DPP6: variants seen among roughly 807,000 people sequenced by gnomAD.
The protein encoded by DPP6 is dipeptidyl peptidase like 6, also known as A-type potassium channel modulatory protein DPP6.
DPP6 carries 69 observed loss-of-function variants against 122.6 expected under a neutral mutation model. The ratio of observed to expected loss-of-function variants is 0.56; its 90% CI spans 0.46 to 0.69. The LOEUF (loss-of-function observed/expected upper bound fraction) is 0.69. Among genes scored for constraint, DPP6 ranks in the 30% least tolerant of loss-of-function variants. The probability of loss-of-function intolerance (pLI) is 0.00; values close to 1 mark genes in which losing one functional copy is unlikely to be tolerated. For synonymous variants in DPP6, 418 were observed against 433.1 expected (o/e 0.97, Z 0.43); for missense variants, 928 against 1,116.9 (o/e 0.83, Z 2.41).
At chr7:153,822,325 G>C in the DPP6 span, among the ~76,000 whole-genome samples, 2 of 151,842 alleles carry the variant, frequency 1.3e-5, no homozygotes, top group East Asian at 1.9e-4. Context: ...GAGTAGCTGG[G>C]ACTACAGGCG....
At chr7:154,727,545 A>G (rs2131364703) in intron 7 of DPP6, among the ~76,000 whole-genome samples, 1 of 152,334 alleles carries the variant, frequency 6.6e-6, no homozygotes, top group African/African-American at 2.4e-5. Flanking sequence ...GTAAGTGATA[A>G]CATTGGGTGA....
At chr7:154,678,817 A>C (rs1481450910) in intron 7 of DPP6, among the ~76,000 whole-genome samples, 3 of 152,202 alleles carry the variant, frequency 2.0e-5, no homozygotes, top group Non-Finnish European at 2.9e-5. Flanking sequence ...TGACTGAGAG[A>C]CTTAATCCCT....
intron 7 of DPP6, among the ~76,000 whole-genome samples, chr7:154,722,291 C>G (rs1227572217): frequency 6.6e-6 from 1 of 152,260 alleles, no homozygotes; most frequent in Admixed American, 6.5e-5. Context: ...TGGCCCAGGC[C>G]ATGCAGCACA....
chr7:154,495,310 T>A (rs2151394683), intron 3 of DPP6, among the ~76,000 whole-genome samples: 1 of 152,166 alleles, frequency 6.6e-6, no homozygotes, highest in East Asian at 1.9e-4. Flanking sequence ...TTTTATTTCT[T>A]AAATGATGAG....
At chr7:154,297,063 G>GTTTTTTT (rs34506058) in intron 1 of DPP6, among the ~76,000 whole-genome samples, 342 of 124,946 alleles carry the variant, frequency 2.7e-3, no homozygotes, top group East Asian at 5.1e-3. Flanking sequence ...AATGTATTCT[G>GTTTTTTT]TTTTTTTTTT....
intron 5 of DPP6, among the ~76,000 whole-genome samples, chr7:154,589,909 G>A (rs1431840289): frequency 1.3e-5 from 2 of 152,286 alleles, no homozygotes; most frequent in South Asian, 4.1e-4. Context: ...GGAAGTAATC[G>A]ATTGAGTAAA....
intron 1 of DPP6, among the ~76,000 whole-genome samples, chr7:154,390,371 TTGTTC>T (rs1814510243): frequency 6.6e-6 from 1 of 152,092 alleles, no homozygotes; most frequent in Admixed American, 6.5e-5. Flanking sequence ...GCTTTGAGTT[TTGTTC>T]TGAGTGAGAT....
chr7:153,811,431 G>C, the DPP6 span, among the ~76,000 whole-genome samples: 2 of 152,330 alleles, frequency 1.3e-5, no homozygotes, highest in Admixed American at 1.3e-4. Context: ...AGGATGCAGA[G>C]TGAGGAGGAA....
chr7:154,220,375 T>C (rs1800235679), intron 1 of DPP6, among the ~76,000 whole-genome samples: 1 of 151,962 alleles, frequency 6.6e-6, no homozygotes, highest in South Asian at 2.1e-4. Context: ...TGATGTGAAC[T>C]CAGGACACAA....
chr7:154,324,620 G>A (rs1261107379), intron 1 of DPP6, among the ~76,000 whole-genome samples: 2 of 152,040 alleles, frequency 1.3e-5, no homozygotes, highest in Admixed American at 6.6e-5. Context: ...GTCTGGGTTG[G>A]GGGTGTTTCC....
chr7:154,266,248 CA>C (rs1803410773), intron 1 of DPP6, among the ~76,000 whole-genome samples: 1 of 152,140 alleles, frequency 6.6e-6, no homozygotes, highest in African/African-American at 2.4e-5. Flanking sequence ...GAAACCATAT[CA>C]GGGGTGTCCT....
intron 16 of DPP6, among the ~76,000 whole-genome samples, chr7:154,849,604 T>C (rs1802216075): frequency 6.6e-6 from 1 of 152,230 alleles, no homozygotes; most frequent in South Asian, 2.1e-4. Context: ...GAAGATCATG[T>C]CATCAGCAAA....
At chr7:154,364,955 A>G (rs1231169733) in intron 1 of DPP6, among the ~76,000 whole-genome samples, 2 of 152,148 alleles carry the variant, frequency 1.3e-5, no homozygotes, top group Non-Finnish European at 2.9e-5. Flanking sequence ...TTTCTATTAG[A>G]TTTTTGCCCC....
At chr7:153,993,143 A>T (rs1458530659) in intron 1 of DPP6, among the ~76,000 whole-genome samples, 3 of 152,200 alleles carry the variant, frequency 2.0e-5, no homozygotes, top group Non-Finnish European at 2.9e-5. Flanking sequence ...CAGAGTTTAG[A>T]CTTCACTAAA....
At chr7:154,203,627 G>T (rs972339726) in intron 1 of DPP6, among the ~76,000 whole-genome samples, 3 of 152,192 alleles carry the variant, frequency 2.0e-5, no homozygotes, top group Admixed American at 1.3e-4. Context: ...ACATATGTGC[G>T]ATGTGTGCAT....
chr7:154,596,028 C>T (rs1313151595), intron 5 of DPP6, among the ~76,000 whole-genome samples: 1 of 151,972 alleles, frequency 6.6e-6, no homozygotes, highest in East Asian at 1.9e-4. Context: ...CCGCTACACT[C>T]CTGCCTGGGT....
At chr7:154,578,546 C>T (rs1831838541) in intron 5 of DPP6, among the ~76,000 whole-genome samples, 1 of 151,486 alleles carries the variant, frequency 6.6e-6, no homozygotes, top group East Asian at 1.9e-4. Flanking sequence ...TTTGGTGAGG[C>T]ATCAGCTGTG....
intron 1 of DPP6, among the ~76,000 whole-genome samples, chr7:154,175,322 CATGAT>C (rs1418341454): frequency 6.6e-6 from 1 of 152,076 alleles, no homozygotes; most frequent in African/African-American, 2.4e-5. Context: ...GGACCAGTGT[CATGAT>C]ATGAGCCCTT....
intron 1 of DPP6, among the ~76,000 whole-genome samples, chr7:154,249,978 A>G (rs1414145356): frequency 6.6e-6 from 1 of 152,132 alleles, no homozygotes; most frequent in Non-Finnish European, 1.5e-5. Context: ...GGTAGTTAAA[A>G]ATCAACCCCT....
Sources: allele counts gnomAD v4.1 joint callset (sites outside exome capture counted in the v4.1 genomes callset), GRCh38; gene constraint gnomAD v4.1.1; transcripts MANE v1.5; gene names NCBI Gene and HGNC (gene_info 2026-07-23, HGNC 2026-07-21).